The following BBS9 variants were observed in gnomAD, a reference collection of about 807,000 sequenced individuals.
The protein encoded by BBS9 is Bardet-Biedl syndrome 9.
In BBS9, 89 loss-of-function variants were observed where a neutral mutation model predicts 117.7. That is an observed-to-expected ratio of 0.76 (90% CI 0.64 to 0.90). The LOEUF is 0.90. BBS9 is among the 40% of genes least tolerant of loss of function. The pLI is 0.00. For synonymous variants in BBS9, 379 were observed against 370.9 expected (o/e 1.02, Z -0.25); for missense variants, 982 against 1,042.2 (o/e 0.94, Z 0.80).
chr7:33,383,540 G>A lies in BBS9; in HGVS notation c.1790-126G>A, dbSNP rs905236697. On this transcript the variant is annotated intron_variant, in intron 17 of 22. Coordinates refer to ENST00000242067, the MANE Select transcript of BBS9 (RefSeq NM_198428.3). ...GTGAAAGTATTTTTATAAAGCCAGT[G>A]TAATCATATCTTTGTTACAAAAATG... The A allele has an allele frequency of 1.3e-5, 11 of 841,156 alleles. No homozygotes were observed. The African/African-American group carries it at 1.4e-4, about 10-fold the overall frequency. 52.1% of individuals were successfully genotyped at this position (841,156 alleles called of 1,614,324 possible).
At chr7:33,418,316 G>C (rs577682800) in intron 19 of BBS9, among the ~76,000 whole-genome samples, 6 of 152,162 alleles carry the variant, frequency 3.9e-5, no homozygotes, top group Non-Finnish European at 8.8e-5. Context: ...CTGTGGTAAG[G>C]CTTCTGGTCA....
At chr7:33,296,219 T>G (rs929350510) in intron 9 of BBS9, among the ~76,000 whole-genome samples, 1 of 152,124 alleles carries the variant, frequency 6.6e-6, no homozygotes, top group Non-Finnish European at 1.5e-5. Flanking sequence ...GAATTCTCCG[T>G]TAGAGACTCC....
chr7:33,629,547 A>G (rs1300421801), intron 21 of BBS9, among the ~76,000 whole-genome samples: 2 of 152,172 alleles, frequency 1.3e-5, no homozygotes, highest in African/African-American at 4.8e-5. Context: ...GAGTACAAAA[A>G]TGCCTCCCTC....
chr7:33,436,088 G>A (rs1203073886), intron 19 of BBS9, among the ~76,000 whole-genome samples: 7 of 152,140 alleles, frequency 4.6e-5, no homozygotes, highest in African/African-American at 1.7e-4. Context: ...TTTAAGACAG[G>A]TCAGCTCGCT....
At chr7:33,187,353 C>T (rs563592355) in intron 5 of BBS9, among the ~76,000 whole-genome samples, 8 of 152,238 alleles carry the variant, frequency 5.3e-5, no homozygotes, top group Admixed American at 4.6e-4. Context: ...CTCAGTTACC[C>T]GAAATTTACC....
chr7:33,146,636 T>C (rs2128096051), intron 2 of BBS9, among the ~76,000 whole-genome samples: 1 of 149,208 alleles, frequency 6.7e-6, no homozygotes, highest in East Asian at 2.0e-4. Context: ...AAGGCAGAGG[T>C]TGCGGTGAGC....
intron 9 of BBS9, among the ~76,000 whole-genome samples, chr7:33,328,440 G>A (rs1813291634): frequency 1.3e-5 from 2 of 152,210 alleles, no homozygotes; most frequent in South Asian, 2.1e-4. Context: ...ATTAATGGTG[G>A]ATTGATTAAA....
chr7:33,565,844 T>TTATATATATA lies in BBS9; in HGVS notation c.2521+31685_2521+31694dup, dbSNP rs1554539789. On this transcript the variant is annotated intron_variant, in intron 21 of 22. Transcript: ENST00000242067. Reference sequence around the variant, plus strand: ...ATATATATACCGCTATATATACTGCTTATATATATATATATATATATATAT... The same window carrying TTATATATATA: ...ATATATATACCGCTATATATACTGCTTATATATATATATATATATATATATATATATATAT... Among the ~76,000 whole-genome samples the TTATATATATA allele has an allele frequency of 2.6e-4, 21 of 80,040 alleles. 1 individual carries two copies. In the East Asian group the frequency reaches 5.4e-3, roughly 20 times the overall value. 52.5% of individuals were successfully genotyped at this position (80,040 alleles called of 152,430 possible). A position where few individuals can be genotyped will look rare whatever the true frequency, so the allele number is the denominator to read the frequency against.
chr7:33,518,868 A>G (rs73688895), intron 20 of BBS9, among the ~76,000 whole-genome samples: 4,124 of 152,254 alleles, frequency 0.027, 189 homozygotes, highest in African/African-American at 0.092. Context: ...ACATTGAATG[A>G]TGTGCAGCTC....
At chr7:33,591,499 C>A (rs1226995644) in intron 21 of BBS9, among the ~76,000 whole-genome samples, 3 of 151,994 alleles carry the variant, frequency 2.0e-5, no homozygotes, top group Non-Finnish European at 4.4e-5. Context: ...CATTAATAAT[C>A]CCTTCCTTTT....
intron 20 of BBS9, among the ~76,000 whole-genome samples, chr7:33,527,467 C>T (rs143399696): frequency 0.11 from 17,296 of 152,138 alleles, 1,064 homozygotes; most frequent in African/African-American, 0.15. Context: ...GTTTTTTAAG[C>T]GGGTCTGAAA....
chr7:33,515,405 A>G (rs1847601965), intron 20 of BBS9, among the ~76,000 whole-genome samples: 1 of 152,180 alleles, frequency 6.6e-6, no homozygotes, highest in South Asian at 2.1e-4. Context: ...GTGTACTATA[A>G]CGAGCATTGT....
intron 5 of BBS9, among the ~76,000 whole-genome samples, chr7:33,178,865 G>A (rs1797714816): frequency 6.6e-6 from 1 of 152,072 alleles, no homozygotes; most frequent in Non-Finnish European, 1.5e-5. Context: ...ATTTTTGGTG[G>A]TGATGTGCAA....
At chr7:33,620,210 A>G (rs1215535786) in intron 21 of BBS9, among the ~76,000 whole-genome samples, 1 of 152,020 alleles carries the variant, frequency 6.6e-6, no homozygotes, top group Non-Finnish European at 1.5e-5. Context: ...ACTATAGGCC[A>G]GCAAATTGGA....
At chr7:33,598,241 A>C (rs1254510886) in intron 21 of BBS9, among the ~76,000 whole-genome samples, 1 of 152,110 alleles carries the variant, frequency 6.6e-6, no homozygotes, top group Non-Finnish European at 1.5e-5. Flanking sequence ...GAAAAAAAAA[A>C]AAACCTTCTT....
intron 16 of BBS9, among the ~76,000 whole-genome samples, chr7:33,364,765 G>A (rs1267482983): frequency 2.8e-5 from 4 of 145,446 alleles, no homozygotes; most frequent in African/African-American, 1.0e-4. Flanking sequence ...GTCTTGCTCT[G>A]TCATCCAGGC....
At chr7:33,473,337 G>A (rs1225977308) in intron 19 of BBS9, among the ~76,000 whole-genome samples, 3 of 17,028 alleles carry the variant, frequency 1.8e-4, no homozygotes, top group South Asian at 4.0e-3. Context: ...TCACCCCCCC[G>A]CCCCGAGGCA....
intron 10 of BBS9, among the ~76,000 whole-genome samples, chr7:33,338,307 A>T (rs1815801516): frequency 6.6e-6 from 1 of 152,120 alleles, no homozygotes; most frequent in Non-Finnish European, 1.5e-5. Flanking sequence ...CCCTTATAAA[A>T]CCATGGTATG....
At chr7:33,583,338 TTATC>T (rs1202115188) in intron 21 of BBS9, among the ~76,000 whole-genome samples, 1 of 152,148 alleles carries the variant, frequency 6.6e-6, no homozygotes, top group African/African-American at 2.4e-5. Flanking sequence ...ATAGACTTCT[TTATC>T]TATAGACAGA....
Sources: gnomAD v4.1 joint callset for allele counts (sites outside exome capture counted in the v4.1 genomes callset) on GRCh38, gnomAD v4.1.1 for gene constraint, MANE v1.5 for transcripts, NCBI Gene and HGNC (gene_info 2026-07-23, HGNC 2026-07-21) for gene names.